Variants in ROBO1 observed in about 807,000 individuals in gnomAD.
The protein encoded by ROBO1 is roundabout guidance receptor 1, also known as roundabout homolog 1.
ROBO1 carries 149 observed loss-of-function variants against 195.9 expected under a neutral mutation model. That is an observed-to-expected ratio of 0.76 (90% confidence interval 0.67 to 0.87). The LOEUF (loss-of-function observed/expected upper bound fraction) is 0.87. Among genes scored for constraint, ROBO1 ranks in the 40% least tolerant of loss-of-function variants. The pLI, the probability that ROBO1 is intolerant of heterozygous loss-of-function variation, is 0.00. For synonymous variants in ROBO1, 816 were observed against 733.2 expected, an observed-to-expected ratio of 1.11 and a Z score of -1.82; for missense variants, 1,933 against 2,068.3, an observed-to-expected ratio of 0.93 and a Z score of 1.27.
intron 25 of ROBO1, among the ~76,000 whole-genome samples, chr3:78,627,803 T>C (rs1575801118): frequency 6.6e-6 from 1 of 152,176 alleles, no homozygotes; most frequent in Non-Finnish European, 1.5e-5. Context: ...TTAGAAGTCA[T>C]GCAATAAAAA....
chr3:79,586,896 G>A (rs1403723511), intron 2 of ROBO1, among the ~76,000 whole-genome samples: 1 of 151,704 alleles, frequency 6.6e-6, no homozygotes, highest in East Asian at 1.9e-4. Context: ...CATGGTTTAA[G>A]AATATATTTC....
chr3:79,006,507 C>T (rs977449390), intron 3 of ROBO1, among the ~76,000 whole-genome samples: 4 of 151,928 alleles, frequency 2.6e-5, no homozygotes, highest in Admixed American at 2.0e-4. Flanking sequence ...TTGGTGCAAG[C>T]GCTTATTATT....
At chr3:79,125,720 G>T (rs1439857808) in intron 2 of ROBO1, among the ~76,000 whole-genome samples, 181 bp from the exon 3 acceptor site, 2 of 152,136 alleles carry the variant, frequency 1.3e-5, no homozygotes, top group African/African-American at 4.8e-5. Flanking sequence ...GAAGGTCTCA[G>T]CATCATGGTT....
chr3:78,669,204 A>G (rs1707913830), intron 11 of ROBO1, among the ~76,000 whole-genome samples: 1 of 152,234 alleles, frequency 6.6e-6, no homozygotes, highest in Non-Finnish European at 1.5e-5. Flanking sequence ...AATCAGCAGC[A>G]GGATAATAAA....
At chr3:79,257,966 G>T (rs2082869270) in intron 2 of ROBO1, among the ~76,000 whole-genome samples, 1 of 151,946 alleles carries the variant, frequency 6.6e-6, no homozygotes, top group Admixed American at 6.6e-5. Context: ...TAGTAATAAA[G>T]CTATAACCCA....
chr3:79,349,599 T>A (rs2035262785), intron 2 of ROBO1, among the ~76,000 whole-genome samples: 1 of 152,150 alleles, frequency 6.6e-6, no homozygotes, highest in Non-Finnish European at 1.5e-5. Flanking sequence ...ATCAAGACAG[T>A]GTGATTCTGA....
intron 2 of ROBO1, among the ~76,000 whole-genome samples, chr3:79,323,912 A>G (rs1273117812): frequency 6.6e-6 from 1 of 152,204 alleles, no homozygotes; most frequent in Non-Finnish European, 1.5e-5. Context: ...TTATTGCTTT[A>G]GTAAATCCTA....
intron 4 of ROBO1, among the ~76,000 whole-genome samples, chr3:78,815,218 C>T (rs151156626): frequency 4.2e-4 from 64 of 152,174 alleles, no homozygotes; most frequent in Non-Finnish European, 6.8e-4. Flanking sequence ...AGTGGCAAGT[C>T]TCTAACTTTA....
chr3:79,703,469 T>C (rs1947677269), intron 1 of ROBO1, among the ~76,000 whole-genome samples: 1 of 151,826 alleles, frequency 6.6e-6, no homozygotes, highest in South Asian at 2.1e-4. Flanking sequence ...AGTAATTATC[T>C]ACATTTTGTT....
At chr3:79,271,571 T>G (rs1317872105) in intron 2 of ROBO1, among the ~76,000 whole-genome samples, 2 of 152,044 alleles carry the variant, frequency 1.3e-5, no homozygotes, top group African/African-American at 4.8e-5. Context: ...TTCCTGCTCT[T>G]TTTTTGGAAG....
rs571747576 is a variant in ROBO1 at position 79,087,912 on chromosome 3, AT to A, written c.172+37543del. Among the ~76,000 whole-genome samples the A allele has an allele frequency of 8.5e-3, 1,290 of 152,170 alleles. 6 individuals carry two copies. The highest frequency in any genetic ancestry group is 0.014 in the Non-Finnish European group (927 of 67,960). Reference sequence around the variant, plus strand: ...CTAAAGACTTGTTAATTAAGTGGACATTTTTGTGATTTCCTGGTACCAAGGG... The same window carrying A: ...CTAAAGACTTGTTAATTAAGTGGACATTTTGTGATTTCCTGGTACCAAGGG... On this transcript the variant is annotated intron_variant, in intron 3 of 30. Transcript: ENST00000464233.
chr3:79,571,103 G>A (rs567485851), intron 2 of ROBO1, among the ~76,000 whole-genome samples: 187 of 151,976 alleles, frequency 1.2e-3, no homozygotes, highest in Non-Finnish European at 2.3e-3. Context: ...AATAATTCAT[G>A]GTATGTTTTA....
intron 2 of ROBO1, among the ~76,000 whole-genome samples, chr3:79,485,253 T>C (rs1939098974): frequency 6.6e-6 from 1 of 152,154 alleles, no homozygotes. Flanking sequence ...TTTGTTAGTA[T>C]AGTTGCTATT....
intron 2 of ROBO1, among the ~76,000 whole-genome samples, chr3:79,303,587 T>C (rs1484102950): frequency 6.6e-6 from 1 of 152,190 alleles, no homozygotes; most frequent in East Asian, 1.9e-4. Flanking sequence ...AATTTATTCC[T>C]GCTGTCTAAC....
chr3:79,743,863 C>A (rs1246951648), intron 1 of ROBO1, among the ~76,000 whole-genome samples: 2 of 152,152 alleles, frequency 1.3e-5, no homozygotes, highest in East Asian at 3.9e-4. Flanking sequence ...GGAAGGACTG[C>A]AGAACAATAG....
intron 3 of ROBO1, among the ~76,000 whole-genome samples, chr3:79,019,993 TGTA>T (rs2078065545): frequency 6.6e-6 from 1 of 152,230 alleles, no homozygotes; most frequent in Admixed American, 6.5e-5. Flanking sequence ...TTGAAGGTCT[TGTA>T]GAAAAGATAT....
chr3:79,350,216 C>A (rs542550390), intron 2 of ROBO1, among the ~76,000 whole-genome samples: 1 of 152,200 alleles, frequency 6.6e-6, no homozygotes, highest in African/African-American at 2.4e-5. Flanking sequence ...CATTAGTGAT[C>A]AAGGAAATGC....
At chr3:78,926,977 G>C (rs1373626794) in intron 4 of ROBO1, among the ~76,000 whole-genome samples, 2 of 151,744 alleles carry the variant, frequency 1.3e-5, no homozygotes, top group African/African-American at 4.8e-5. Flanking sequence ...TTCTAGGAAA[G>C]AGAATATTTC....
chr3:79,134,275 A>G (rs1055960043), intron 2 of ROBO1, among the ~76,000 whole-genome samples: 1 of 133,960 alleles, frequency 7.5e-6, no homozygotes, highest in African/African-American at 2.9e-5. Context: ...CAGCCAAAAA[A>G]CACATGAAGA....
Sources: gnomAD v4.1 joint callset for allele counts (sites outside exome capture counted in the v4.1 genomes callset) on GRCh38, gnomAD v4.1.1 for gene constraint, MANE v1.5 for transcripts, NCBI Gene and HGNC (gene_info 2026-07-23, HGNC 2026-07-21) for gene names.